Variants in TTYH2 observed in about 807,000 individuals in gnomAD.
TTYH2 encodes the protein protein tweety homolog 2.
A neutral mutation model predicts 68.3 loss-of-function variants in TTYH2; 49 were observed. That is an observed-to-expected ratio of 0.72 (90% CI 0.57 to 0.91). The LOEUF (loss-of-function observed/expected upper bound fraction) is 0.91. TTYH2 is among the 40% of genes least tolerant of loss of function. The probability of loss-of-function intolerance (pLI) is 0.00; values close to 1 mark genes in which losing one functional copy is unlikely to be tolerated. For missense variants in TTYH2, 631 were observed against 700.4 expected (o/e 0.90, Z 1.12); for synonymous variants, 272 against 300.8 (o/e 0.90, Z 0.99).
At chr17:74,219,025 T>A (rs570491418) in intron 1 of TTYH2, among the ~76,000 whole-genome samples, 167 of 152,098 alleles carry the variant, frequency 1.1e-3, no homozygotes, top group Middle Eastern at 3.4e-3. Flanking sequence ...AGGTCAGGAG[T>A]TCGAGACCAG....
intron 13 of TTYH2, 63 bp from the exon 14 acceptor site, chr17:74,260,066 C>T (rs548557347): frequency 1.8e-4 from 270 of 1,495,600 alleles, no homozygotes; most frequent in Non-Finnish European, 2.4e-4. Flanking sequence ...GTCCCCGGCA[C>T]CTTTGCTGGT....
rs368700912 is a variant in TTYH2 at position 74,249,956 on chromosome 17, C to T, written c.951C>T (p.Arg317=). The change falls in exon 9 of 14, where the codon CGC becomes CGT. Residue 317 remains arginine, a synonymous_variant. Coordinates refer to ENST00000269346, the MANE Select transcript of TTYH2 (RefSeq NM_032646.6). ...PFQQTLTTFQ[R]ALTTMQIQVA... The stretch of plus-strand genomic sequence containing the variant: ...CTCAGACCCTGACCACCTTCCAGCG[C>T]GCACTTACCACCATGCAGATCCAGG... 24 of 1,613,966 alleles carry T rather than the reference C, an allele frequency of 1.5e-5. No homozygotes were observed. The highest frequency in any genetic ancestry group is 1.2e-4 in the African/African-American group (9 of 74,886).
chr17:74,219,473 C>T (rs2050255202), intron 1 of TTYH2, among the ~76,000 whole-genome samples: 1 of 151,772 alleles, frequency 6.6e-6, no homozygotes, highest in African/African-American at 2.4e-5. Context: ...CCCTCGAGCA[C>T]CTGCGTGCGT....
Position 74,260,380 on chromosome 17 carries a change from T to C in TTYH2, c.*171T>C. On this transcript the variant is annotated 3_prime_UTR_variant, in exon 14 of 14. Transcript: ENST00000269346. The stretch of plus-strand genomic sequence containing the variant: ...CAAAGCCCCAGGGGGTGCAGAAGAC[T>C]CACCACGCGGGCCAGCCTCTCTCTT... The C allele has an allele frequency of 1.5e-6, 1 of 654,066 alleles. No homozygotes were observed. 40.5% of individuals were successfully genotyped at this position (654,066 alleles called of 1,614,324 possible).
Position 74,253,400 on chromosome 17 carries a change from G to A in TTYH2, c.1445+134G>A. On this transcript the variant is annotated intron_variant, in intron 12 of 13. Transcript: ENST00000269346. ...CCCCACTACAGCCACAGGGTGCCTG[G>A]AGGGAAGGCCCCCGGGGAGCATCTA... 3 of 1,108,170 alleles carry A rather than the reference G, an allele frequency of 2.7e-6. No homozygotes were observed. The South Asian group carries it at 4.9e-5, about 18-fold the overall frequency. 68.6% of individuals were successfully genotyped at this position (1,108,170 alleles called of 1,614,324 possible).
chr17:74,247,294 T>C (rs893170103), intron 6 of TTYH2, among the ~76,000 whole-genome samples: 17 of 151,432 alleles, frequency 1.1e-4, no homozygotes, highest in African/African-American at 4.1e-4. Context: ...GTCCCTCCCA[T>C]AACATGTGGG....
intron 12 of TTYH2, among the ~76,000 whole-genome samples, chr17:74,253,476 C>T (rs9900778): frequency 0.42 from 63,346 of 152,056 alleles, 13,876 homozygotes; most frequent in African/African-American, 0.53. Context: ...CTGATGTCAG[C>T]AGCCTCTGCC....
Position 74,253,821 on chromosome 17 carries a change from C to T in TTYH2, c.1512C>T (p.Ser504=), listed in dbSNP as rs144976577. Residue 504 remains serine, a synonymous_variant, in exon 13 of 14, where the codon TCC becomes TCT. Transcript: ENST00000269346. ...YENVPLIGRA[S]PPPTYSPSMR... is the part of the protein sequence containing the mutation. ...ACGTGCCACTAATCGGGAGAGCCTC[C>T]CCTCCGCCTACGGTAATTGGGGCTC... 3 of 1,614,126 alleles carry T rather than the reference C, an allele frequency of 1.9e-6. No homozygotes were observed. The highest frequency in any genetic ancestry group is 4.5e-5 in the East Asian group (2 of 44,890).
At chr17:74,219,452 A>C (rs1163680531) in intron 1 of TTYH2, among the ~76,000 whole-genome samples, 1 of 151,576 alleles carries the variant, frequency 6.6e-6, no homozygotes, top group African/African-American at 2.4e-5. Context: ...GTTCAGTTCA[A>C]TGAATTTATA....
chr17:74,249,396 G>C lies in TTYH2; in HGVS notation c.927G>C (p.Gln309His), dbSNP rs768117912. Residue 309 changes from glutamine to histidine, a missense_variant, in exon 8 of 14, where the codon CAG becomes CAC. Transcript: ENST00000269346. Reference protein sequence around the residue: ...YCSQSGSSPFQQTLTTFQRAL... With the variant: ...YCSQSGSSPFHQTLTTFQRAL... ...GCCAGAGTGGAAGCAGCCCCTTCCA[G>C]CAGGTATGGCCCCCCGAGGCCTGCC... The C allele has an allele frequency of 6.2e-7, 1 of 1,613,870 alleles. No homozygotes were observed. The highest frequency in any genetic ancestry group is 1.1e-5 in the South Asian group (1 of 91,086).
chr17:74,260,633 C>G lies in TTYH2; in HGVS notation c.*424C>G, dbSNP rs564765069. On this transcript the variant is annotated 3_prime_UTR_variant, in exon 14 of 14. Coordinates refer to ENST00000269346, the MANE Select transcript of TTYH2 (RefSeq NM_032646.6). ...TTGTCAGCCCAGCCAAGAGCCCAGA[C>G]GACCCCTCTGTCCTCGTTCCCTGTC... The G allele has an allele frequency of 6.8e-4, 153 of 223,846 alleles. No homozygotes were observed. The highest frequency in any genetic ancestry group is 4.1e-3 in the Middle Eastern group (2 of 492). 13.9% of individuals were successfully genotyped at this position (223,846 alleles called of 1,614,324 possible).
At chr17:74,218,531 CAA>C (rs549417385) in intron 1 of TTYH2, among the ~76,000 whole-genome samples, 38 of 128,386 alleles carry the variant, frequency 3.0e-4, no homozygotes, top group African/African-American at 4.9e-4. Context: ...AAAAGGAAAT[CAA>C]AAAAAAAAAA....
At chr17:74,248,228 G>A (rs150336755) in intron 6 of TTYH2, 25 of 973,306 alleles carry the variant, frequency 2.6e-5, no homozygotes, top group South Asian at 9.5e-5. Flanking sequence ...TCTGGAAGGC[G>A]GAGGCCCCCC....
In TTYH2 at chr17:74,248,048, G is replaced by C. The variant is rs116570914; in HGVS notation, c.805-963G>C. ...CCATAAATGTCTATCAACTTAGCAA[G>C]TTAGTGAGTGATGCTCTATTGTGGA... On this transcript the variant is annotated intron_variant, in intron 6 of 13. Transcript: ENST00000269346. The C allele has an allele frequency of 8.4e-3, 1,289 of 153,034 alleles. 17 individuals carry two copies. Among genetic ancestry groups the C allele is most frequent in the African/African-American group, 0.03 (1,237 of 41,558 alleles). The allele number at this position is 153,034 out of a possible 1,614,324, so 9.5% of individuals were successfully genotyped here.
Position 74,215,582 on chromosome 17 carries a change from A to T in TTYH2, c.129+1866A>T. 1 of 1,514,326 alleles carries T rather than the reference A, an allele frequency of 6.6e-7. No homozygotes were observed. The highest frequency in any genetic ancestry group is 8.9e-7 in the Non-Finnish European group (1 of 1,129,224). The allele number at this position is 1,514,326 out of a possible 1,614,324, so 93.8% of individuals were successfully genotyped here. A position where few individuals can be genotyped will look rare whatever the true frequency, so the allele number is the denominator to read the frequency against. On this transcript the variant is annotated intron_variant, in intron 1 of 13. Transcript: ENST00000269346. This position sits in a 1 kb window ranked among gnomAD's most constrained non-coding sequence, Gnocchi z 4.3. ...CCACTGCTCCTGGGCAGCTGACACCAGCCCTGCCCACTGGCTCCTGGTCCC... is the reference window on the plus strand; with the variant it reads ...CCACTGCTCCTGGGCAGCTGACACCTGCCCTGCCCACTGGCTCCTGGTCCC...
chr17:74,251,233 TGTGTGTGGG>T (rs907291878), intron 10 of TTYH2, among the ~76,000 whole-genome samples: 3 of 150,414 alleles, frequency 2.0e-5, no homozygotes, highest in African/African-American at 7.3e-5. Context: ...TGCCTGTATG[TGTGTGTGGG>T]GTGTGTGGTG....
chr17:74,236,768 G>A (rs969353777), intron 3 of TTYH2, among the ~76,000 whole-genome samples: 1 of 152,200 alleles, frequency 6.6e-6, no homozygotes, highest in Non-Finnish European at 1.5e-5. Context: ...CCTGGTTTGA[G>A]GGACATGAGG....
intron 13 of TTYH2, among the ~76,000 whole-genome samples, chr17:74,256,086 C>G (rs1356649499): frequency 6.6e-6 from 1 of 152,148 alleles, no homozygotes; most frequent in East Asian, 1.9e-4. Context: ...AAGTTCCAGT[C>G]TATAGAAGGG....
intron 11 of TTYH2, among the ~76,000 whole-genome samples, chr17:74,252,796 G>A (rs1275942369): frequency 6.6e-6 from 1 of 152,210 alleles, no homozygotes; most frequent in East Asian, 1.9e-4. Flanking sequence ...GACACATGGT[G>A]TACAGGCACC....
Sources: gnomAD v4.1 joint callset for allele counts (sites outside exome capture counted in the v4.1 genomes callset) on GRCh38, gnomAD v4.1.1 for gene constraint, Gnocchi (gnomAD v3.1) non-coding constraint, MANE v1.5 for transcripts, NCBI Gene and HGNC (gene_info 2026-07-23, HGNC 2026-07-21) for gene names.